Variants in ATRX observed in about 807,000 individuals in gnomAD.
ATRX encodes chromatin remodeler ATRX.
ATRX carries 12 observed loss-of-function variants against 172.6 expected under a neutral mutation model. The ratio of observed to expected loss-of-function variants is 0.07; its 90% CI spans 0.04 to 0.11. The LOEUF (loss-of-function observed/expected upper bound fraction) is 0.11, where lower values mean the gene tolerates loss of function less well. ATRX is among the 10% of genes least tolerant of loss of function. ATRX has a pLI of 1.00. For synonymous variants in ATRX, 674 were observed against 594.7 expected, an observed-to-expected ratio of 1.13 and a Z score of -1.94; for missense variants, 1,368 against 1,767.4, an observed-to-expected ratio of 0.77 and a Z score of 4.05.
intron 30 of ATRX, among the ~76,000 whole-genome samples, chrX:77,541,586 G>A (rs781855988): frequency 3.6e-5 from 4 of 111,592 alleles, no homozygotes; most frequent in East Asian, 2.8e-4. Context: ...CTGGCAAACC[G>A]AATCCAGCAG....
At chrX:77,745,142 G>A (rs1378555927) in intron 1 of ATRX, among the ~76,000 whole-genome samples, 2 of 100,330 alleles carry the variant, frequency 2.0e-5, no homozygotes, top group Non-Finnish European at 4.0e-5. Context: ...ATTCCAGCCT[G>A]GGCAACAGAG....
intron 28 of ATRX, among the ~76,000 whole-genome samples, chrX:77,567,810 A>G (rs2147993392): frequency 9.0e-6 from 1 of 111,719 alleles, no homozygotes; most frequent in East Asian, 2.8e-4. Context: ...AAAACAAAGC[A>G]TAACAAACTT....
At chrX:77,767,804 G>A (rs1408833162) in intron 1 of ATRX, among the ~76,000 whole-genome samples, 1 of 111,439 alleles carries the variant, frequency 9.0e-6, no homozygotes, top group Non-Finnish European at 1.9e-5. Flanking sequence ...CACTATCTTC[G>A]GACCAAAGGA....
intron 22 of ATRX, among the ~76,000 whole-genome samples, chrX:77,603,666 G>A (rs1334228226): frequency 1.8e-5 from 2 of 110,161 alleles, no homozygotes; most frequent in African/African-American, 3.3e-5. Flanking sequence ...GTGAGCTACC[G>A]TGCCTGGCCA....
Position 77,682,656 on chromosome X carries a change from T to C in ATRX, c.2600A>G (p.Asn867Ser), listed in dbSNP as rs1176998238. The C allele has an allele frequency of 8.3e-7, 1 of 1,207,598 alleles. No homozygotes were observed. Among genetic ancestry groups the C allele is most frequent in the Non-Finnish European group, 1.1e-6 (1 of 894,978 alleles). ...KKGMDNQGHK[N>S]LKTSQEGSSD... ...TGATCCTTCTTGTGAGGTCTTCAAA[T>C]TTTTGTGCCCTTGATTATCCATTCC... is the stretch of plus-strand genomic sequence containing the variant. The change falls in exon 9 of 35, where the codon AAT becomes AGT. Residue 867 changes from asparagine to serine, a missense_variant. Transcript: ENST00000373344.
At chrX:77,738,078 T>C (rs1557180025) in intron 1 of ATRX, among the ~76,000 whole-genome samples, 1 of 111,131 alleles carries the variant, frequency 9.0e-6, no homozygotes, top group African/African-American at 3.3e-5. Context: ...CTCACACCTA[T>C]AATCCCAGCA....
chrX:77,698,961 A>G, intron 2 of ATRX: 1 of 270,186 alleles, frequency 3.7e-6, no homozygotes, highest in Non-Finnish European at 6.7e-6. Context: ...TACTACCAAT[A>G]AAGTATATTT....
In ATRX at chrX:77,682,049, C is replaced by T. The variant is rs782472957; in HGVS notation, c.3207G>A (p.Gly1069=). The T allele has an allele frequency of 9.9e-6, 12 of 1,208,989 alleles. No homozygotes were observed. The African/African-American group carries it at 1.6e-4, about 16-fold the overall frequency. Reference sequence around the variant, plus strand: ...CTGAAGAGTCACAACTATCTCCTTTCCCTGTTGACTTCTCAGCATAATCAG... The same window carrying T: ...CTGAAGAGTCACAACTATCTCCTTTTCCTGTTGACTTCTCAGCATAATCAG... The part of the protein sequence containing the change: ...ELSDYAEKST[G]KGDSCDSSED... Residue 1069 remains glycine, a synonymous_variant, in exon 9 of 35, where the codon GGG becomes GGA. Transcript: ENST00000373344.
At chrX:77,527,881 G>A (rs782290963) in intron 30 of ATRX, among the ~76,000 whole-genome samples, 368 of 111,770 alleles carry the variant, frequency 3.3e-3, no homozygotes, top group Admixed American at 6.3e-3. Context: ...GAGTGGACAC[G>A]GCCCAGAGGA....
chrX:77,667,162 T>C (rs1557126708), intron 10 of ATRX, among the ~76,000 whole-genome samples: 1 of 110,841 alleles, frequency 9.0e-6, no homozygotes, highest in Non-Finnish European at 1.9e-5. Context: ...CAAATTTCTA[T>C]GTCTGGCACA....
intron 1 of ATRX, among the ~76,000 whole-genome samples, chrX:77,778,108 G>A (rs782564174): frequency 2.0e-5 from 2 of 102,289 alleles, no homozygotes; most frequent in East Asian, 6.2e-4. Flanking sequence ...GAGCCCGGGT[G>A]ACAGAGTGAG....
intron 12 of ATRX, 90 bp from the exon 13 acceptor site, chrX:77,656,743 G>A (rs781789510): frequency 1.4e-6 from 1 of 731,963 alleles, no homozygotes; most frequent in South Asian, 2.6e-5. Flanking sequence ...CATTAAAACA[G>A]AGCATTGTAA....
chrX:77,690,656 G>T (rs2071832021), intron 6 of ATRX: 1 of 110,695 alleles, frequency 9.0e-6, no homozygotes, highest in Non-Finnish European at 1.9e-5. Context: ...TTGATCTTGG[G>T]TATTCATATA....
In ATRX at chrX:77,742,287, C is replaced by T. The variant is rs180923932; in HGVS notation, c.21-25044G>A. 3.7e-3 allele frequency among the ~76,000 whole-genome samples: 413 copies of T among 111,815 alleles called. 1 individual carries two copies. The highest frequency in any genetic ancestry group is 0.013 in the African/African-American group (389 of 30,830). On this transcript the variant is annotated intron_variant, in intron 1 of 34. Transcript: ENST00000373344. ...AGGTAGAGTAGTTCAGATTTTCTAA[C>T]CTAATGTTCTAATCTTTTCTAACCT...
intron 10 of ATRX, among the ~76,000 whole-genome samples, chrX:77,672,511 C>A (rs1267061275): frequency 2.7e-5 from 3 of 109,148 alleles, no homozygotes; most frequent in African/African-American, 1.0e-4. Flanking sequence ...ATACCCACAC[C>A]AAGCCAGTAG....
chrX:77,761,976 C>T (rs1412173469), intron 1 of ATRX, among the ~76,000 whole-genome samples: 1 of 111,088 alleles, frequency 9.0e-6, no homozygotes, highest in Non-Finnish European at 1.9e-5. Flanking sequence ...TCACCAATGG[C>T]AAGCATATTA....
intron 19 of ATRX, among the ~76,000 whole-genome samples, chrX:77,623,573 G>T (rs2148288425): frequency 9.0e-6 from 1 of 111,550 alleles, no homozygotes; most frequent in African/African-American, 3.3e-5. Context: ...CACCGTAATA[G>T]CAAAACCAGG....
chrX:77,557,608 G>C lies in ATRX; in HGVS notation c.6542C>G (p.Thr2181Ser). Residue 2181 changes from threonine to serine, a missense_variant, in exon 30 of 35, where the codon ACT becomes AGT. Around this residue, in one of 17 missense-constraint regions of ATRX, gnomAD observed 8 missense variants for 78.0 expected, o/e 0.10. Transcript: ENST00000373344. ...MEDKIYDRQV[T>S]KQSLSFRVVD... ...AACTCGAAAAGACAGTGACTGCTTA[G>C]TTACTTGCCGATCATAAATCTTATC... 1 of 1,207,029 alleles carries C rather than the reference G, an allele frequency of 8.3e-7. No homozygotes were observed. Among genetic ancestry groups the C allele is most frequent in the Non-Finnish European group, 1.1e-6 (1 of 893,882 alleles).
chrX:77,784,648 A>G (rs1240677153), intron 1 of ATRX, among the ~76,000 whole-genome samples: 3 of 111,976 alleles, frequency 2.7e-5, no homozygotes, highest in Non-Finnish European at 5.6e-5. Flanking sequence ...TGACAAATTC[A>G]GAAACCAAGG....
Sources: gnomAD v4.1 joint callset for allele counts (sites outside exome capture counted in the v4.1 genomes callset) on GRCh38, gnomAD v4.1.1 for gene constraint, gnomAD v4.1.1 regional missense constraint, MANE v1.5 for transcripts, NCBI Gene and HGNC (gene_info 2026-07-23, HGNC 2026-07-21) for gene names.